Variants in ABCC12 observed in about 807,000 individuals in gnomAD.
ABCC12 encodes the protein ATP binding cassette subfamily C member 12.
A neutral mutation model predicts 151.1 loss-of-function variants in ABCC12; 142 were observed. That is an observed-to-expected ratio of 0.94 (90% confidence interval 0.82 to 1.08). The LOEUF (loss-of-function observed/expected upper bound fraction) is 1.08. Among genes scored for constraint, ABCC12 ranks in the 50% least tolerant of loss-of-function variants. ABCC12 has a pLI of 0.00. For missense variants in ABCC12, 1,638 were observed against 1,691.1 expected, an observed-to-expected ratio of 0.97 and a Z score of 0.55; for synonymous variants, 645 against 646.4, an observed-to-expected ratio of 1.00 and a Z score of 0.03.
rs753001062 is a variant in ABCC12 at position 48,104,212 on chromosome 16, A to T, written c.2830T>A (p.Leu944Met). 2.0e-5 allele frequency: 32 copies of T among 1,614,252 alleles called. No individual in the cohort carries two copies. In the South Asian group the frequency reaches 3.3e-4, roughly 17 times the overall value. Residue 944 changes from leucine to methionine, a missense_variant, in exon 22 of 31, where the codon TTG (leucine) becomes ATG (methionine). Coordinates refer to ENST00000311303, the MANE Select transcript of ABCC12 (RefSeq NM_001393797.1). ...AGGACAGCAGGAAACACAGCAGCCA[A>T]GATCACGAGAATAAACACCACCATA... ...FFMVVFILVI[L>M]AAVFPAVLLV...
Position 48,080,923 on chromosome 16 carries a change from C to T in ABCC12, c.*2792G>A, listed in dbSNP as rs757386377. ...GAAATTTATTGCTCACAGTTCTGGA[C>T]GCTGGGAAATCCATGGTCGAGGTGC... On this transcript the variant is annotated 3_prime_UTR_variant, in exon 31 of 31. Coordinates refer to ENST00000311303, the MANE Select transcript of ABCC12 (RefSeq NM_001393797.1). Among the ~76,000 whole-genome samples the T allele has an allele frequency of 1.1e-4, 17 of 152,150 alleles. No homozygotes were observed. The highest frequency in any genetic ancestry group is 3.1e-4 in the African/African-American group (13 of 41,424).
rs777055206 is a variant in ABCC12 at position 48,096,780 on chromosome 16, G to T, written c.3161C>A (p.Ser1054Ter). 1.7e-5 allele frequency: 27 copies of T among 1,614,086 alleles called. No individual in the cohort carries two copies. The East Asian group carries it at 6.0e-4, about 36-fold the overall frequency. Reference sequence around the variant, plus strand: ...GTATGACAATGACAGGCCTTTGGATGAAGTACTGATGGAGGAGAAACTCAG... The same window carrying T: ...GTATGACAATGACAGGCCTTTGGATTAAGTACTGATGGAGGAGAAACTCAG... ...VTLSFSSISTSSKGLSLSYII... is the reference protein window; with the variant it reads ...VTLSFSSIST Residue 1054 changes from serine to a stop codon, truncating the protein, a stop_gained, in exon 24 of 31, where the codon TCA becomes TAA. Transcript: ENST00000311303. LOFTEE classifies it high-confidence loss of function.
intron 2 of ABCC12, among the ~76,000 whole-genome samples, chr16:48,152,433 G>A (rs1965129155): frequency 1.3e-5 from 2 of 152,266 alleles, no homozygotes; most frequent in Non-Finnish European, 1.5e-5. Flanking sequence ...CGGGCACAGC[G>A]GACAGTCAAG....
intron 18 of ABCC12, among the ~76,000 whole-genome samples, chr16:48,110,727 G>A (rs953468152): frequency 6.6e-6 from 1 of 152,056 alleles, no homozygotes; most frequent in African/African-American, 2.4e-5. Flanking sequence ...CAACCTTGAG[G>A]GACCAGTCCG....
At chr16:48,087,182 T>C (rs7203314) in intron 27 of ABCC12, 5,683 of 207,364 alleles carry the variant, frequency 0.027, 333 homozygotes, top group African/African-American at 0.12. Flanking sequence ...AGAGGGAGAG[T>C]GAGCAACCCA....
In ABCC12 at chr16:48,118,105, C is replaced by T. The variant is rs147170361; in HGVS notation, c.1713-772G>A. On this transcript the variant is annotated intron_variant, in intron 13 of 30. Coordinates refer to ENST00000311303, the MANE Select transcript of ABCC12 (RefSeq NM_001393797.1). ...GCGGCAGCCAAGCCGCCAGGACTAG[C>T]GCCCTATCCTGCAAAAAGCAGCAAA... Among the ~76,000 whole-genome samples the T allele has an allele frequency of 9.1e-4, 138 of 152,252 alleles. 1 individual carries two copies. The East Asian group carries it at 0.024, about 26-fold the overall frequency.
chr16:48,113,397 G>A (rs952784875), intron 15 of ABCC12, among the ~76,000 whole-genome samples: 8 of 152,196 alleles, frequency 5.3e-5, no homozygotes, highest in South Asian at 2.1e-4. Flanking sequence ...AGGAGCTCCC[G>A]GGGAAGCCCC....
chr16:48,084,401 G>A (rs1008109779), intron 29 of ABCC12, among the ~76,000 whole-genome samples: 14 of 152,236 alleles, frequency 9.2e-5, no homozygotes, highest in Admixed American at 5.2e-4. Context: ...AAACTGAGTC[G>A]GCATGAAGCA....
At position 48,082,982 on chromosome 16, in the gene ABCC12, G is replaced by A. The variant is rs933727069; in HGVS notation, c.*733C>T. 4 of 152,176 alleles carry A rather than the reference G, an allele frequency of 2.6e-5. No individual in the cohort carries two copies. Among genetic ancestry groups the A allele is most frequent in the Admixed American group, 2.6e-4 (4 of 15,280 alleles). 9.4% of individuals were successfully genotyped at this position (152,176 alleles called of 1,614,324 possible). On this transcript the variant is annotated 3_prime_UTR_variant, in exon 31 of 31. Coordinates refer to ENST00000311303, the MANE Select transcript of ABCC12 (RefSeq NM_001393797.1). The stretch of plus-strand genomic sequence containing the variant: ...ACTGAGTGAAGGGAGAAGGCAACAA[G>A]GGTCTATTGGAGGAAATAGTATGGA...
At position 48,105,239 on chromosome 16, in the gene ABCC12, C is replaced by T. The variant is rs774021108; in HGVS notation, c.2573G>A (p.Ser858Asn). Reference protein sequence around the residue: ...QHVYQWVYTASMVFMLVFGVT... With the variant: ...QHVYQWVYTANMVFMLVFGVT... ...GCCAAACACCAGCATGAACACCATGCTTGCAGTGTACACCCACTGGTACAC... is the reference window on the plus strand; with the variant it reads ...GCCAAACACCAGCATGAACACCATGTTTGCAGTGTACACCCACTGGTACAC... Residue 858 changes from serine to asparagine, a missense_variant, in exon 21 of 31, where the codon AGC (serine) becomes AAC (asparagine). Physicochemically the swap from Ser to Asn is conservative, Grantham distance 46 (BLOSUM62 1). Transcript: ENST00000311303. 6 of 1,614,182 alleles carry T rather than the reference C, an allele frequency of 3.7e-6. No individual in the cohort carries two copies. In the South Asian group the frequency reaches 4.4e-5, roughly 12 times the overall value.
Position 48,083,636 on chromosome 16 carries a change from G to A in ABCC12, c.*79C>T. Reference sequence around the variant, plus strand: ...TGAAGACCAGGGCTGCCTGCGGAGAGGACAGCCCCTCCTCCTGAAGACTCC... The same window carrying A: ...TGAAGACCAGGGCTGCCTGCGGAGAAGACAGCCCCTCCTCCTGAAGACTCC... On this transcript the variant is annotated 3_prime_UTR_variant, in exon 31 of 31. Transcript: ENST00000311303. The A allele has an allele frequency of 7.0e-7, 1 of 1,438,796 alleles. No homozygotes were observed. The highest frequency in any genetic ancestry group is 9.7e-7 in the Non-Finnish European group (1 of 1,035,238). 89.1% of individuals were successfully genotyped at this position (1,438,796 alleles called of 1,614,324 possible).
At chr16:48,144,843 T>C (rs1964944558) in intron 3 of ABCC12, among the ~76,000 whole-genome samples, 1 of 152,218 alleles carries the variant, frequency 6.6e-6, no homozygotes, top group African/African-American at 2.4e-5. Context: ...AAGGTGACTT[T>C]CATGATACAG....
At chr16:48,144,965 T>C (rs756019425) in intron 3 of ABCC12, among the ~76,000 whole-genome samples, 2 of 152,124 alleles carry the variant, frequency 1.3e-5, no homozygotes, top group Non-Finnish European at 2.9e-5. Context: ...GTTTAGAGTA[T>C]TTGCCCAAGG....
In ABCC12 at chr16:48,092,240, G is replaced by A. The variant is rs112133735; in HGVS notation, c.3196-1031C>T. On this transcript the variant is annotated intron_variant, in intron 24 of 30. Coordinates refer to ENST00000311303, the MANE Select transcript of ABCC12 (RefSeq NM_001393797.1). ...GCAGCCTTCACAAACAAACATAGGCGGTGAACCCAGATTGTACCAGGAGGG... is the reference window on the plus strand; with the variant it reads ...GCAGCCTTCACAAACAAACATAGGCAGTGAACCCAGATTGTACCAGGAGGG... 2.1e-3 allele frequency among the ~76,000 whole-genome samples: 322 copies of A among 152,336 alleles called. 5 individuals carry two copies. Among genetic ancestry groups the A allele is most frequent in the African/African-American group, 7.2e-3 (299 of 41,568 alleles).
intron 2 of ABCC12, among the ~76,000 whole-genome samples, chr16:48,148,915 T>C (rs1287927821): frequency 1.3e-5 from 2 of 152,016 alleles, no homozygotes; most frequent in African/African-American, 2.4e-5. Context: ...GGCTTCTTGT[T>C]TGTCTTGTTT....
chr16:48,151,282 G>A (rs1965113735), intron 2 of ABCC12, among the ~76,000 whole-genome samples: 1 of 152,114 alleles, frequency 6.6e-6, no homozygotes, highest in African/African-American at 2.4e-5. Context: ...AAAAACATCA[G>A]ACGAATCCCA....
At chr16:48,147,936 A>G (rs1322300004) in intron 2 of ABCC12, among the ~76,000 whole-genome samples, 2 of 149,950 alleles carry the variant, frequency 1.3e-5, no homozygotes, top group South Asian at 2.1e-4. Flanking sequence ...TAATGAATTT[A>G]AAGTTTTTGT....
intron 23 of ABCC12, 137 bp downstream of exon 23, chr16:48,100,735 A>G (rs1367584350): frequency 1.9e-6 from 2 of 1,080,228 alleles, no homozygotes; most frequent in Non-Finnish European, 2.5e-6. Context: ...AGTGTCTTCA[A>G]GGACTCCTCC....
chr16:48,148,686 T>G (rs1409020207), intron 2 of ABCC12, among the ~76,000 whole-genome samples: 14 of 152,044 alleles, frequency 9.2e-5, no homozygotes. Context: ...CATTGAATAC[T>G]GCACTCCAGC....
Sources: gnomAD v4.1 joint callset for allele counts (sites outside exome capture counted in the v4.1 genomes callset) on GRCh38, gnomAD v4.1.1 for gene constraint, MANE v1.5 for transcripts, NCBI Gene and HGNC (gene_info 2026-07-23, HGNC 2026-07-21) for gene names.